The following SLC14A2 variants were observed in gnomAD, a reference collection of about 807,000 sequenced individuals.
SLC14A2 encodes solute carrier family 14 member 2, also known as urea transporter 2.
SLC14A2 carries 91 observed loss-of-function variants against 104.6 expected under a neutral mutation model. The ratio of observed to expected loss-of-function variants is 0.87; its 90% CI spans 0.73 to 1.04. The LOEUF is 1.04. Among genes scored for constraint, SLC14A2 ranks in the 50% least tolerant of loss-of-function variants. The probability of loss-of-function intolerance (pLI) is 0.00; values close to 1 mark genes in which losing one functional copy is unlikely to be tolerated. For synonymous variants in SLC14A2, 476 were observed against 466.4 expected (o/e 1.02, Z -0.27); for missense variants, 1,189 against 1,156.0 (o/e 1.03, Z -0.41).
intron 1 of SLC14A2, among the ~76,000 whole-genome samples, chr18:45,329,145 C>T (rs531094018): frequency 5.3e-5 from 8 of 152,286 alleles, no homozygotes; most frequent in African/African-American, 9.6e-5. Flanking sequence ...TATTTTGTTA[C>T]GGTTATGGCT....
chr18:45,197,943 C>A, the SLC14A2 span, among the ~76,000 whole-genome samples: 2 of 152,104 alleles, frequency 1.3e-5, no homozygotes, highest in African/African-American at 2.4e-5. Context: ...CTCGTAGGAA[C>A]TTTCAAAAGT....
chr18:45,196,374 GT>G, the SLC14A2 span, among the ~76,000 whole-genome samples: 1 of 152,140 alleles, frequency 6.6e-6, no homozygotes, highest in Non-Finnish European at 1.5e-5. Context: ...TGTAAAAGGT[GT>G]TTCTTATTGT....
chr18:45,418,759 C>T (rs1167754129), intron 1 of SLC14A2, among the ~76,000 whole-genome samples: 1 of 152,124 alleles, frequency 6.6e-6, no homozygotes, highest in Admixed American at 6.5e-5. Context: ...CGAACGAAGA[C>T]ATTTTAGAAG....
chr18:45,529,178 G>A (rs2043642875), intron 2 of SLC14A2: 1 of 152,224 alleles, frequency 6.6e-6, no homozygotes, highest in South Asian at 2.1e-4. Context: ...CTGTTGGTTA[G>A]GCAGCAATAA....
At chr18:45,223,081 G>A (rs545925011) in intron 1 of SLC14A2, among the ~76,000 whole-genome samples, 1 of 152,280 alleles carries the variant, frequency 6.6e-6, no homozygotes, top group South Asian at 2.1e-4. Context: ...CTATGCTAAG[G>A]CATTATAGTT....
At chr18:45,386,338 TCA>T (rs2085896297) in intron 1 of SLC14A2, among the ~76,000 whole-genome samples, 1 of 152,126 alleles carries the variant, frequency 6.6e-6, no homozygotes, top group South Asian at 2.1e-4. Context: ...GTACAAGAAC[TCA>T]GTTTTTGTGG....
intron 2 of SLC14A2, among the ~76,000 whole-genome samples, chr18:45,542,035 G>GTTTGTTTTT (rs2043891585): frequency 5.5e-5 from 3 of 54,206 alleles, no homozygotes; most frequent in African/African-American, 6.2e-5. Context: ...AAGAGAGAGG[G>GTTTGTTTTT]TTTTTTTTTT....
chr18:45,506,291 C>T (rs1375065484), intron 2 of SLC14A2, among the ~76,000 whole-genome samples: 5 of 152,206 alleles, frequency 3.3e-5, no homozygotes, highest in Admixed American at 1.3e-4. Flanking sequence ...AACCCAACCA[C>T]CTCCACAGAG....
chr18:45,415,802 A>G (rs1045331515), intron 1 of SLC14A2, among the ~76,000 whole-genome samples: 1 of 152,040 alleles, frequency 6.6e-6, no homozygotes, highest in Non-Finnish European at 1.5e-5. Context: ...ACCACCTGAC[A>G]TTGGGTCTGT....
chr18:45,329,889 G>A (rs531585243), intron 1 of SLC14A2, among the ~76,000 whole-genome samples: 2 of 152,120 alleles, frequency 1.3e-5, no homozygotes, highest in Non-Finnish European at 2.9e-5. Flanking sequence ...AGTCATCATG[G>A]TTTGTAATAT....
intron 1 of SLC14A2, among the ~76,000 whole-genome samples, chr18:45,278,194 G>C (rs923979422): frequency 6.6e-6 from 1 of 152,164 alleles, no homozygotes; most frequent in Non-Finnish European, 1.5e-5. Flanking sequence ...ATAGAGGGTG[G>C]GGTTTTCTGA....
chr18:45,302,549 C>T (rs2084978813), intron 1 of SLC14A2, among the ~76,000 whole-genome samples: 1 of 152,194 alleles, frequency 6.6e-6, no homozygotes, highest in Non-Finnish European at 1.5e-5. Flanking sequence ...TCCACAATGT[C>T]TGCCCTCTTG....
chr18:45,318,910 G>A (rs774499409), intron 1 of SLC14A2, among the ~76,000 whole-genome samples: 101 of 152,188 alleles, frequency 6.6e-4, no homozygotes, highest in Middle Eastern at 3.4e-3. Flanking sequence ...CACCAGATTC[G>A]GAGCCACGCC....
In SLC14A2 at chr18:45,453,847, GTTTTTTTTTTTTTTT is replaced by G. The variant is rs56084837; in HGVS notation, c.-124-29370_-124-29356del. ...AGTTCCGCTTTCTTTTTTCTTTTCT[GTTTTTTTTTTTTTTT>G]TTTTTTTTTTTTTTTGAGACAGAGT... is the stretch of plus-strand genomic sequence containing the variant. On this transcript the variant is annotated intron_variant, in intron 1 of 20. Transcript: ENST00000586448. 1.4e-4 allele frequency among the ~76,000 whole-genome samples: 13 copies of G among 91,338 alleles called. No homozygotes were observed. In the South Asian group the frequency reaches 2.7e-3, roughly 19 times the overall value. The allele number at this position is 91,338 out of a possible 152,430, so 59.9% of individuals were successfully genotyped here.
intron 2 of SLC14A2, among the ~76,000 whole-genome samples, chr18:45,584,417 T>G (rs918854760): frequency 6.6e-6 from 1 of 152,200 alleles, no homozygotes; most frequent in Non-Finnish European, 1.5e-5. Context: ...TTTCCGGCTT[T>G]GTATGTGGGG....
intron 2 of SLC14A2, chr18:45,483,506 T>C (rs988716933): frequency 2.0e-5 from 3 of 152,180 alleles, no homozygotes; most frequent in Non-Finnish European, 4.4e-5. Flanking sequence ...TCCATTCTGG[T>C]TGCTTCCAGA....
chr18:45,580,448 T>G (rs1049084780), intron 2 of SLC14A2, among the ~76,000 whole-genome samples: 4 of 151,580 alleles, frequency 2.6e-5, no homozygotes, highest in Admixed American at 6.6e-5. Context: ...AGAGAGAGTG[T>G]GGGGAGGAGG....
chr18:45,329,432 A>T (rs1439999142), intron 1 of SLC14A2, among the ~76,000 whole-genome samples: 1 of 152,212 alleles, frequency 6.6e-6, no homozygotes, highest in African/African-American at 2.4e-5. Flanking sequence ...ATCAATTTGC[A>T]GACTACAACA....
At chr18:45,608,759 A>G (rs2044916980) in intron 2 of SLC14A2, among the ~76,000 whole-genome samples, 1 of 152,248 alleles carries the variant, frequency 6.6e-6, no homozygotes, top group Non-Finnish European at 1.5e-5. Context: ...TTAATGCTCA[A>G]CTAATGCAAC....
Sources: allele counts gnomAD v4.1 joint callset (sites outside exome capture counted in the v4.1 genomes callset), GRCh38; gene constraint gnomAD v4.1.1; transcripts MANE v1.5; gene names NCBI Gene and HGNC (gene_info 2026-07-23, HGNC 2026-07-21).